The following KCNN2 variants were observed in gnomAD, a reference collection of about 807,000 sequenced individuals.
KCNN2 encodes small conductance calcium-activated potassium channel protein 2.
Under a neutral mutation model 55.5 loss-of-function variants are expected in KCNN2, and 24 were observed. That is an observed-to-expected ratio of 0.43 (90% CI 0.31 to 0.61). The LOEUF is 0.61. Ranked by LOEUF, KCNN2 falls within the 20% of genes least tolerant of loss-of-function variation. KCNN2 has a pLI of 0.08. For missense variants in KCNN2, 754 were observed against 853.6 expected (o/e 0.88, Z 1.45); for synonymous variants, 431 against 336.1 (o/e 1.28, Z -3.09).
At chr5:114,139,966 C>G (rs1214206127) in intron 1 of KCNN2, among the ~76,000 whole-genome samples, 4 of 151,916 alleles carry the variant, frequency 2.6e-5, no homozygotes, top group Non-Finnish European at 1.5e-5. Context: ...ATACATACTT[C>G]CTTTCTATTA....
intron 2 of KCNN2, among the ~76,000 whole-genome samples, chr5:114,316,736 G>A (rs73779794): frequency 0.033 from 5,037 of 152,066 alleles, 282 homozygotes; most frequent in African/African-American, 0.12. Context: ...AATACATATC[G>A]CTATCTAGTC....
At chr5:114,493,601 C>G (rs1334332045) in intron 7 of KCNN2, 129 bp downstream of exon 7, 1 of 669,696 alleles carries the variant, frequency 1.5e-6, no homozygotes, top group Non-Finnish European at 2.7e-6. Flanking sequence ...GCAAAGCACC[C>G]TAAAATGATG....
At chr5:114,208,638 A>T (rs4519916) in intron 1 of KCNN2, among the ~76,000 whole-genome samples, 13,114 of 152,214 alleles carry the variant, frequency 0.086, 654 homozygotes, top group Middle Eastern at 0.13. Flanking sequence ...TCTGGGGTGA[A>T]GCTCAGGTAT....
At chr5:114,112,921 T>C (rs1580525150) in intron 1 of KCNN2, among the ~76,000 whole-genome samples, 1 of 152,012 alleles carries the variant, frequency 6.6e-6, no homozygotes, top group Non-Finnish European at 1.5e-5. Flanking sequence ...TTTTGGGTAA[T>C]TTTTATATCT....
intron 1 of KCNN2, among the ~76,000 whole-genome samples, chr5:114,163,075 A>G (rs1404230950): frequency 6.6e-6 from 1 of 151,846 alleles, no homozygotes; most frequent in African/African-American, 2.4e-5. Context: ...TGCAGAAATC[A>G]CCCGTCTTCT....
chr5:114,294,955 G>T (rs1433104708), intron 2 of KCNN2, among the ~76,000 whole-genome samples: 1 of 152,086 alleles, frequency 6.6e-6, no homozygotes, highest in Non-Finnish European at 1.5e-5. Flanking sequence ...TTTGATCTTT[G>T]TTGATTTAAA....
At chr5:114,353,056 G>A (rs1195016479) in intron 2 of KCNN2, among the ~76,000 whole-genome samples, 1 of 151,726 alleles carries the variant, frequency 6.6e-6, no homozygotes. Context: ...CATGTATCTT[G>A]GGATTCTGTT....
intron 2 of KCNN2, among the ~76,000 whole-genome samples, chr5:114,388,828 A>T (rs779843661): frequency 2.0e-5 from 3 of 152,132 alleles, no homozygotes; most frequent in Non-Finnish European, 1.5e-5. Flanking sequence ...TTATTTTAAC[A>T]ATCTGGATAG....
intron 1 of KCNN2, among the ~76,000 whole-genome samples, chr5:114,107,801 A>G (rs1027240072): frequency 5.3e-5 from 8 of 152,086 alleles, no homozygotes; most frequent in Non-Finnish European, 8.8e-5. Flanking sequence ...TAAATTTGGA[A>G]TCAATTGACA....
intron 1 of KCNN2, among the ~76,000 whole-genome samples, chr5:114,095,240 A>G (rs1026948279): frequency 6.6e-6 from 1 of 152,178 alleles, no homozygotes; most frequent in African/African-American, 2.4e-5. Context: ...AGGAAGCAGA[A>G]TTTGGCTAAA....
At chr5:114,348,096 G>A (rs1050543187) in intron 2 of KCNN2, among the ~76,000 whole-genome samples, 1 of 152,154 alleles carries the variant, frequency 6.6e-6, no homozygotes, top group African/African-American at 2.4e-5. Context: ...GCTGCATGTT[G>A]AGTGCACTTT....
chr5:114,433,308 C>T (rs1759868636), intron 3 of KCNN2, among the ~76,000 whole-genome samples: 1 of 152,238 alleles, frequency 6.6e-6, no homozygotes. Flanking sequence ...TCTAGCTACT[C>T]TGGTGGGGCC....
intron 2 of KCNN2, among the ~76,000 whole-genome samples, chr5:114,301,393 C>T (rs1024638439): frequency 1.3e-5 from 2 of 152,160 alleles, no homozygotes; most frequent in African/African-American, 4.8e-5. Flanking sequence ...TCCATATTGT[C>T]ATTTCTGTCA....
chr5:114,106,720 T>G (rs1241485861), intron 1 of KCNN2, among the ~76,000 whole-genome samples: 1 of 151,062 alleles, frequency 6.6e-6, no homozygotes. Context: ...TTTTACTCAT[T>G]TAAAAATTAG....
intron 3 of KCNN2, among the ~76,000 whole-genome samples, chr5:114,462,785 G>C (rs1761268145): frequency 1.3e-5 from 2 of 152,214 alleles, no homozygotes; most frequent in African/African-American, 4.8e-5. Context: ...AAAGATAAAT[G>C]TGCCTGTATC....
intron 4 of KCNN2, among the ~76,000 whole-genome samples, chr5:114,466,708 T>G (rs998471312): frequency 2.6e-5 from 4 of 152,162 alleles, no homozygotes; most frequent in African/African-American, 7.2e-5. Context: ...TTTGGTTTAA[T>G]TATCTTTAAA....
chr5:114,153,049 G>C (rs1434447777), intron 1 of KCNN2, among the ~76,000 whole-genome samples: 1 of 152,164 alleles, frequency 6.6e-6, no homozygotes, highest in Non-Finnish European at 1.5e-5. Context: ...TTTGGGGAGT[G>C]AGCAGTGAGA....
At chr5:114,249,633 A>G (rs948188693) in intron 2 of KCNN2, among the ~76,000 whole-genome samples, 2 of 151,962 alleles carry the variant, frequency 1.3e-5, no homozygotes, top group East Asian at 1.9e-4. Context: ...ATATTATGAT[A>G]GATTCAAATA....
At chr5:114,305,173 G>A (rs967073969) in intron 2 of KCNN2, among the ~76,000 whole-genome samples, 3 of 152,154 alleles carry the variant, frequency 2.0e-5, no homozygotes, top group African/African-American at 7.2e-5. Flanking sequence ...AATCGTGTTT[G>A]GTAGGGGCAG....
Sources: gnomAD v4.1 joint callset for allele counts (sites outside exome capture counted in the v4.1 genomes callset) on GRCh38, gnomAD v4.1.1 for gene constraint, MANE v1.5 for transcripts, NCBI Gene and HGNC (gene_info 2026-07-23, HGNC 2026-07-21) for gene names.